ADAMTS17: variants seen among roughly 807,000 people sequenced by gnomAD.
ADAMTS17 encodes the protein ADAM metallopeptidase with thrombospondin type 1 motif 17.
In ADAMTS17, 113 loss-of-function variants were observed where a neutral mutation model predicts 141.5. The ratio of observed to expected loss-of-function variants is 0.80; its 90% CI spans 0.69 to 0.93. The LOEUF (loss-of-function observed/expected upper bound fraction) is 0.93, where lower values mean the gene tolerates loss of function less well. ADAMTS17 is among the 40% of genes least tolerant of loss of function. The pLI is 0.00. For missense variants in ADAMTS17, 1,659 were observed against 1,517.9 expected (o/e 1.09, Z -1.54); for synonymous variants, 768 against 630.6 (o/e 1.22, Z -3.27).
intron 7 of ADAMTS17, among the ~76,000 whole-genome samples, chr15:100,239,079 G>C (rs2141886375): frequency 6.6e-6 from 1 of 152,324 alleles, no homozygotes; most frequent in South Asian, 2.1e-4. Flanking sequence ...AACAGAGCGA[G>C]ACTCCGTCTC....
chr15:100,058,560 G>A (rs1031907640), intron 15 of ADAMTS17, among the ~76,000 whole-genome samples: 1 of 152,238 alleles, frequency 6.6e-6, no homozygotes, highest in Admixed American at 6.5e-5. Flanking sequence ...AGGGCAGGAG[G>A]GCACACCTGG....
chr15:100,280,604 C>T (rs1254227401), intron 4 of ADAMTS17, among the ~76,000 whole-genome samples: 1 of 152,178 alleles, frequency 6.6e-6, no homozygotes, highest in Non-Finnish European at 1.5e-5. Flanking sequence ...ACTTCCACAC[C>T]CTTATGGCTC....
At chr15:100,163,974 G>T (rs1181582681) in intron 8 of ADAMTS17, among the ~76,000 whole-genome samples, 1 of 152,220 alleles carries the variant, frequency 6.6e-6, no homozygotes, top group Non-Finnish European at 1.5e-5. Flanking sequence ...TTTGAAGGCT[G>T]TAAGAGTAGA....
chr15:100,277,556 T>A (rs186877175), intron 4 of ADAMTS17, among the ~76,000 whole-genome samples: 21 of 152,298 alleles, frequency 1.4e-4, no homozygotes, highest in African/African-American at 5.1e-4. Flanking sequence ...TAAAATAATC[T>A]GCAGATGAAA....
At chr15:100,199,280 C>A in intron 8 of ADAMTS17, 38 bp downstream of exon 8, 1 of 1,575,172 alleles carries the variant, frequency 6.3e-7, no homozygotes, top group East Asian at 2.2e-5. Flanking sequence ...TCAAAAAGGA[C>A]TGAAAGAAAA....
At chr15:100,090,306 AAC>A (rs1179617096) in intron 15 of ADAMTS17, among the ~76,000 whole-genome samples, 1 of 151,774 alleles carries the variant, frequency 6.6e-6, no homozygotes, top group Non-Finnish European at 1.5e-5. Flanking sequence ...CATACCTGCA[AAC>A]AAGATCCGCT....
intron 8 of ADAMTS17, among the ~76,000 whole-genome samples, chr15:100,192,087 T>C (rs1406066756): frequency 6.6e-6 from 1 of 152,224 alleles, no homozygotes; most frequent in Non-Finnish European, 1.5e-5. Context: ...GCCTGCACGT[T>C]TTGAACAACT....
intron 18 of ADAMTS17, among the ~76,000 whole-genome samples, chr15:100,045,950 A>C (rs10152859): frequency 0.075 from 11,461 of 152,116 alleles, 1,404 homozygotes; most frequent in African/African-American, 0.25. Context: ...GTGTGATCTC[A>C]GCTCACTGCA....
In ADAMTS17 at chr15:100,033,659, AC is replaced by A. The variant is rs1208815727; in HGVS notation, c.2591+15197del. The stretch of plus-strand genomic sequence containing the variant: ...CAGGAGAGCACATGAGCTGAGAAAG[AC>A]TGATAAGACTTTGCAGGAACCTGGG... On this transcript the variant is annotated intron_variant, in intron 18 of 21. Transcript: ENST00000268070. 3.9e-5 allele frequency among the ~76,000 whole-genome samples: 6 copies of A among 152,222 alleles called. No homozygotes were observed. In the East Asian group the frequency reaches 1.2e-3, roughly 29 times the overall value.
chr15:100,012,339 T>C (rs759018387), intron 18 of ADAMTS17, among the ~76,000 whole-genome samples: 4 of 152,232 alleles, frequency 2.6e-5, no homozygotes, highest in Non-Finnish European at 5.9e-5. Flanking sequence ...CTGTGGGTTG[T>C]CTGTTTACTC....
intron 7 of ADAMTS17, among the ~76,000 whole-genome samples, chr15:100,225,448 C>T (rs772117222): frequency 2.0e-5 from 3 of 152,120 alleles, no homozygotes; most frequent in African/African-American, 7.2e-5. Context: ...GCAGTCACGG[C>T]CTCTGTGCCC....
intron 3 of ADAMTS17, among the ~76,000 whole-genome samples, chr15:100,322,869 C>T (rs1281425184): frequency 5.3e-5 from 8 of 152,042 alleles, no homozygotes; most frequent in East Asian, 1.9e-4. Flanking sequence ...AGACAGATCA[C>T]GAGGTCAGGA....
chr15:100,140,945 A>G (rs185047794), intron 10 of ADAMTS17, among the ~76,000 whole-genome samples: 2 of 152,272 alleles, frequency 1.3e-5, no homozygotes, highest in African/African-American at 4.8e-5. Context: ...ATGCACTAGA[A>G]CAGGGTGGAA....
intron 3 of ADAMTS17, among the ~76,000 whole-genome samples, chr15:100,286,389 C>T (rs781604134): frequency 2.0e-5 from 3 of 152,262 alleles, no homozygotes; most frequent in Middle Eastern, 3.4e-3. Context: ...CCACTTCCAC[C>T]GCTCCTATGA....
chr15:100,333,394 G>C (rs1334736414), intron 2 of ADAMTS17, among the ~76,000 whole-genome samples: 1 of 152,214 alleles, frequency 6.6e-6, no homozygotes, highest in East Asian at 1.9e-4. Context: ...GATCTGGGGA[G>C]CTTCGAAAAC....
intron 6 of ADAMTS17, among the ~76,000 whole-genome samples, chr15:100,254,489 G>A (rs116238891): frequency 3.2e-4 from 48 of 152,264 alleles, no homozygotes; most frequent in African/African-American, 1.1e-3. Flanking sequence ...ACTGATCCGA[G>A]ACAATTCTCA....
chr15:100,047,472 C>T (rs2031799242), intron 18 of ADAMTS17, among the ~76,000 whole-genome samples: 1 of 151,738 alleles, frequency 6.6e-6, no homozygotes, highest in Admixed American at 6.6e-5. Context: ...TGATGTCTCC[C>T]CCGGATGCCC....
At position 99,997,499 on chromosome 15, in the gene ADAMTS17, G is replaced by T. The variant is rs765738277; in HGVS notation, c.2682C>A (p.Asn894Lys). ...REVTCVYQLQ[N>K]GTHVATRPLY... is the part of the protein sequence containing the mutation. The stretch of plus-strand genomic sequence containing the variant: ...GGGGCCGCGTAGCGACGTGTGTGCC[G>T]TTCTGCAGCTGGTACACGCAGGTCA... Residue 894 changes from asparagine to lysine, a missense_variant, in exon 19 of 22, where the codon AAC becomes AAA. Transcript: ENST00000268070. The surrounding 1 kb of genome is among the most constrained non-coding windows in gnomAD (Gnocchi z 4.7). 2 of 1,613,634 alleles carry T rather than the reference G, an allele frequency of 1.2e-6. No homozygotes were observed. Among genetic ancestry groups the T allele is most frequent in the South Asian group, 2.2e-5 (2 of 91,066 alleles).
At chr15:99,995,470 A>G (rs1043914463) in intron 19 of ADAMTS17, among the ~76,000 whole-genome samples, 9 of 152,286 alleles carry the variant, frequency 5.9e-5, no homozygotes, top group Non-Finnish European at 1.0e-4. Flanking sequence ...CCAGCTCCAA[A>G]GGGGCCTAGG....
Sources: allele counts gnomAD v4.1 joint callset (sites outside exome capture counted in the v4.1 genomes callset), GRCh38; gene constraint gnomAD v4.1.1; non-coding constraint Gnocchi (gnomAD v3.1); transcripts MANE v1.5; gene names NCBI Gene and HGNC (gene_info 2026-07-23, HGNC 2026-07-21).